FILIP1: variants seen among roughly 807,000 people sequenced by gnomAD.
FILIP1 encodes the protein filamin-A-interacting protein 1.
FILIP1 carries 61 observed loss-of-function variants against 102.1 expected under a neutral mutation model. The observed-to-expected ratio is 0.60, with a 90% confidence interval of 0.49 to 0.74. FILIP1 has a LOEUF of 0.74. Among genes scored for constraint, FILIP1 ranks in the 30% least tolerant of loss-of-function variants. The pLI is 0.00. For missense variants in FILIP1, 1,314 were observed against 1,441.2 expected (o/e 0.91, Z 1.43); for synonymous variants, 491 against 526.9 (o/e 0.93, Z 0.93).
intron 1 of FILIP1, among the ~76,000 whole-genome samples, chr6:75,487,446 G>T (rs1483093583): frequency 6.6e-6 from 1 of 152,062 alleles, no homozygotes; most frequent in African/African-American, 2.4e-5. Context: ...TTGGTACCAT[G>T]GTCAAAGAGG....
chr6:75,330,435 G>A (rs537921138), intron 4 of FILIP1, among the ~76,000 whole-genome samples: 5 of 152,126 alleles, frequency 3.3e-5, no homozygotes, highest in South Asian at 2.1e-4. Context: ...GACCAGCAAC[G>A]TTTTGGAGCC....
intron 1 of FILIP1, among the ~76,000 whole-genome samples, chr6:75,491,626 G>A (rs796407081): frequency 2.9e-4 from 44 of 152,196 alleles, no homozygotes; most frequent in African/African-American, 1.0e-3. Flanking sequence ...TATGGTAAAG[G>A]GGAAAGGGAC....
At chr6:75,292,525 A>G (rs1223850796) in exon 7 of FILIP1, 4 of 152,190 alleles carry the variant, frequency 2.6e-5, no homozygotes, top group African/African-American at 9.6e-5. Flanking sequence ...AGAAATACTA[A>G]TGGTTACTAG....
At chr6:75,323,729 A>G (rs1379848605) in intron 4 of FILIP1, among the ~76,000 whole-genome samples, 1 of 152,252 alleles carries the variant, frequency 6.6e-6, no homozygotes, top group Non-Finnish European at 1.5e-5. Flanking sequence ...ACTGGTAGAA[A>G]GGAAGTGACA....
intron 3 of FILIP1, among the ~76,000 whole-genome samples, chr6:75,354,425 G>A (rs1256697847): frequency 6.6e-6 from 1 of 152,090 alleles, no homozygotes; most frequent in African/African-American, 2.4e-5. Flanking sequence ...ACAAAAATTA[G>A]CCGGATGTGG....
intron 4 of FILIP1, among the ~76,000 whole-genome samples, chr6:75,343,256 C>T (rs1774474062): frequency 6.6e-6 from 1 of 152,174 alleles, no homozygotes; most frequent in East Asian, 1.9e-4. Context: ...GACTTTCAGC[C>T]TCTGGAACTG....
chr6:75,480,811 G>A (rs751940304), intron 1 of FILIP1, among the ~76,000 whole-genome samples: 2 of 152,174 alleles, frequency 1.3e-5, no homozygotes, highest in Non-Finnish European at 2.9e-5. Context: ...TTCTTTGGCT[G>A]CCTCATTATG....
chr6:75,400,996 A>G (rs1401883294), intron 2 of FILIP1, among the ~76,000 whole-genome samples: 2 of 151,052 alleles, frequency 1.3e-5, no homozygotes, highest in African/African-American at 4.9e-5. Context: ...AACATCTATA[A>G]AGCGTTTAAG....
chr6:75,332,105 C>T (rs574811139), intron 4 of FILIP1, among the ~76,000 whole-genome samples: 1 of 152,262 alleles, frequency 6.6e-6, no homozygotes, highest in African/African-American at 2.4e-5. Context: ...TGTTGTTTAT[C>T]AGCCACCCAG....
chr6:75,378,987 C>T (rs763151425), intron 2 of FILIP1, among the ~76,000 whole-genome samples: 4 of 152,110 alleles, frequency 2.6e-5, no homozygotes, highest in Non-Finnish European at 4.4e-5. Flanking sequence ...GATCCTGATT[C>T]AGGAATTGAA....
At chr6:75,347,698 C>A (rs988502304) in intron 4 of FILIP1, among the ~76,000 whole-genome samples, 2 of 151,912 alleles carry the variant, frequency 1.3e-5, no homozygotes, top group African/African-American at 4.8e-5. Context: ...TTTTCAAAAA[C>A]GTTGATTCTG....
At chr6:75,484,843 G>A (rs1440780720) in intron 1 of FILIP1, among the ~76,000 whole-genome samples, 1 of 152,192 alleles carries the variant, frequency 6.6e-6, no homozygotes, top group East Asian at 1.9e-4. Context: ...TGTGCAAAGA[G>A]AACTAGGAAA....
At chr6:75,404,070 CAA>C (rs1776750637) in intron 2 of FILIP1, among the ~76,000 whole-genome samples, 1 of 152,110 alleles carries the variant, frequency 6.6e-6, no homozygotes, top group African/African-American at 2.4e-5. Flanking sequence ...GGACCGCACC[CAA>C]GACCCTGTAA....
At chr6:75,350,744 G>A (rs932004251) in intron 4 of FILIP1, among the ~76,000 whole-genome samples, 5 of 152,192 alleles carry the variant, frequency 3.3e-5, no homozygotes, top group African/African-American at 1.2e-4. Context: ...CAATGACTCT[G>A]TAAGTGAACT....
intron 4 of FILIP1, among the ~76,000 whole-genome samples, chr6:75,346,293 G>A (rs1273651049): frequency 6.6e-6 from 1 of 152,198 alleles, no homozygotes; most frequent in Non-Finnish European, 1.5e-5. Flanking sequence ...AGAAATTTCT[G>A]TGAGTCAGAT....
chr6:75,477,221 A>G (rs1779500313), intron 1 of FILIP1, among the ~76,000 whole-genome samples: 1 of 152,326 alleles, frequency 6.6e-6, no homozygotes, highest in African/African-American at 2.4e-5. Context: ...GGAATCTAAT[A>G]AAGTTTAAGT....
At chr6:75,322,750 G>A (rs1217135630) in intron 4 of FILIP1, among the ~76,000 whole-genome samples, 2 of 152,144 alleles carry the variant, frequency 1.3e-5, no homozygotes, top group Non-Finnish European at 2.9e-5. Flanking sequence ...CTGAAGTGCA[G>A]TGGTGCCATC....
intron 1 of FILIP1, among the ~76,000 whole-genome samples, chr6:75,472,015 T>G (rs1779346754): frequency 6.6e-6 from 1 of 152,116 alleles, no homozygotes; most frequent in African/African-American, 2.4e-5. Flanking sequence ...GAGACTCTAT[T>G]ACTAACGTAA....
At chr6:75,447,935 T>A (rs1467089189) in intron 1 of FILIP1, among the ~76,000 whole-genome samples, 2 of 152,096 alleles carry the variant, frequency 1.3e-5, no homozygotes, top group Non-Finnish European at 2.9e-5. Context: ...AAAGGGAATT[T>A]CTTCAGGATT....
Sources: allele counts gnomAD v4.1 joint callset (sites outside exome capture counted in the v4.1 genomes callset), GRCh38; gene constraint gnomAD v4.1.1; transcripts MANE v1.5; gene names NCBI Gene and HGNC (gene_info 2026-07-23, HGNC 2026-07-21).